UQCRB: variants seen among roughly 807,000 people sequenced by gnomAD.
UQCRB encodes the protein cytochrome b-c1 complex subunit 7.
A neutral mutation model predicts 19.8 loss-of-function variants in UQCRB; 12 were observed. The observed-to-expected ratio is 0.61, with a 90% confidence interval of 0.39 to 0.98. The LOEUF is 0.98. Ranked by LOEUF, UQCRB falls within the 50% of genes least tolerant of loss-of-function variation. The pLI, the probability that UQCRB is intolerant of heterozygous loss-of-function variation, is 0.00. For synonymous variants in UQCRB, 39 were observed against 42.9 expected, an observed-to-expected ratio of 0.91 and a Z score of 0.35; for missense variants, 142 against 131.8, an observed-to-expected ratio of 1.08 and a Z score of -0.38.
Position 96,231,780 on chromosome 8 carries a change from A to G in UQCRB, c.252T>C (p.Tyr84=). The change falls in exon 3 of 4, where the codon TAT becomes TAC. Residue 84 remains tyrosine (Y), a synonymous_variant. Coordinates refer to ENST00000287022, the MANE Select transcript of UQCRB (RefSeq NM_006294.5). ...GTAGATAAAGCTGTGCTACCTCTTC[A>G]TATTTGGTCCACTGCTCTTTAGGCA... The part of the protein sequence containing the change: ...QILPKEQWTK[Y]EEENFYLEPY... 6.2e-7 allele frequency: 1 copy of G among 1,614,186 alleles called. No individual in the cohort carries two copies. Among genetic ancestry groups the G allele is most frequent in the Non-Finnish European group, 8.5e-7 (1 of 1,180,030 alleles).
Position 96,230,873 on chromosome 8 carries a change from A to G in UQCRB, c.*182T>C, listed in dbSNP as rs544142646. Reference sequence around the variant, plus strand: ...AAATATATCTTGAAAGTTTGGAAAAAAATTTAACAGTAAAGGGATTCAGTA... The same window carrying G: ...AAATATATCTTGAAAGTTTGGAAAAGAATTTAACAGTAAAGGGATTCAGTA... On this transcript the variant is annotated 3_prime_UTR_variant, in exon 4 of 4. Transcript: ENST00000287022. 6.1e-5 allele frequency: 47 copies of G among 765,190 alleles called. No homozygotes were observed. The highest frequency in any genetic ancestry group is 5.7e-4 in the African/African-American group (33 of 58,238). The allele number at this position is 765,190 out of a possible 1,614,324, so 47.4% of individuals were successfully genotyped here. A position where few individuals can be genotyped will look rare whatever the true frequency, so the allele number is the denominator to read the frequency against.
chr8:96,226,010 A>G lies in UQCRB; in HGVS notation c.*5045T>C, dbSNP rs1809518788. ...GAGGCAGGAGGCGCTACTGGTACCT[A>G]TCGTGTAGAAGCCAGGATGCTGCTA... On this transcript the variant is annotated 3_prime_UTR_variant, in exon 4 of 4. Coordinates refer to ENST00000287022, the MANE Select transcript of UQCRB (RefSeq NM_006294.5). 2 of 152,162 alleles carry G rather than the reference A, an allele frequency of 1.3e-5. No individual in the cohort carries two copies. Among genetic ancestry groups the G allele is most frequent in the South Asian group, 4.1e-4 (2 of 4,832 alleles). 9.4% of individuals were successfully genotyped at this position (152,162 alleles called of 1,614,324 possible). A position where few individuals can be genotyped will look rare whatever the true frequency, so the allele number is the denominator to read the frequency against.
chr8:96,235,489 C>G (rs1809789943), intron 1 of UQCRB, 23 bp downstream of exon 1: 1 of 1,614,056 alleles, frequency 6.2e-7, no homozygotes. Context: ...CGATGCCGGC[C>G]AAGAAGACCC....
At position 96,228,375 on chromosome 8, in the gene UQCRB, T is replaced by A. The variant is rs1007274653; in HGVS notation, c.*2680A>T. On this transcript the variant is annotated 3_prime_UTR_variant, in exon 4 of 4. Coordinates refer to ENST00000287022, the MANE Select transcript of UQCRB (RefSeq NM_006294.5). ...AACAGGGAGATAGCCAAGTCTTAGC[T>A]CCATCCTAATCAAAGCTGTCATGCA... 9.0e-5 allele frequency: 41 copies of A among 453,980 alleles called. No individual in the cohort carries two copies. The Admixed American group carries it at 9.4e-4, about 10-fold the overall frequency. 28.1% of individuals were successfully genotyped at this position (453,980 alleles called of 1,614,324 possible).
At chr8:96,232,109 C>A in intron 2 of UQCRB, 169 bp from the exon 3 acceptor site, 4 of 670,618 alleles carry the variant, frequency 6.0e-6, no homozygotes, top group South Asian at 5.6e-5. Flanking sequence ...TAGGTTGGTG[C>A]AAAAGTAATT....
rs201329056 is a variant in UQCRB, at chr8:96,229,766, G to GAA, written c.*1287_*1288dup. The GAA allele has an allele frequency of 9.6e-6, 4 of 418,496 alleles. No individual in the cohort carries two copies. Among genetic ancestry groups the GAA allele is most frequent in the African/African-American group, 2.2e-5 (1 of 46,218 alleles). The allele number at this position is 418,496 out of a possible 1,614,324, so 25.9% of individuals were successfully genotyped here. ...TTAGAAAAATAACGACCAGCGAAAG[G>GAA]AAAAAAAAAAGCGGGGGAGGGGGTT... On this transcript the variant is annotated 3_prime_UTR_variant, in exon 4 of 4. Coordinates refer to ENST00000287022, the MANE Select transcript of UQCRB (RefSeq NM_006294.5).
Position 96,226,938 on chromosome 8 carries a change from A to C in UQCRB, c.*4117T>G, listed in dbSNP as rs757525516. On this transcript the variant is annotated 3_prime_UTR_variant, in exon 4 of 4. Coordinates refer to ENST00000287022, the MANE Select transcript of UQCRB (RefSeq NM_006294.5). The stretch of plus-strand genomic sequence containing the variant: ...TTCTTGCTCAATTGCTAATACAATA[A>C]AATTTCTTAGCAAAATATAACTTAG... The C allele has an allele frequency of 4.4e-6, 2 of 454,054 alleles. No individual in the cohort carries two copies. Among genetic ancestry groups the C allele is most frequent in the South Asian group, 3.1e-5 (2 of 64,448 alleles). The allele number at this position is 454,054 out of a possible 1,614,324, so 28.1% of individuals were successfully genotyped here. A position where few individuals can be genotyped will look rare whatever the true frequency, so the allele number is the denominator to read the frequency against.
At position 96,229,056 on chromosome 8, in the gene UQCRB, C is replaced by T. The variant is rs1297315120; in HGVS notation, c.*1999G>A. On this transcript the variant is annotated 3_prime_UTR_variant, in exon 4 of 4. Coordinates refer to ENST00000287022, the MANE Select transcript of UQCRB (RefSeq NM_006294.5). ...AGATCTACTTTCTTAGTCTTCATAA[C>T]AAGCAGGACGATAACCATAATTTAT... The T allele has an allele frequency of 4.4e-6, 2 of 453,940 alleles. No homozygotes were observed. Among genetic ancestry groups the T allele is most frequent in the African/African-American group, 2.0e-5 (1 of 49,986 alleles). The allele number at this position is 453,940 out of a possible 1,614,324, so 28.1% of individuals were successfully genotyped here.
Position 96,229,923 on chromosome 8 carries a change from G to A in UQCRB, c.*1132C>T, listed in dbSNP as rs1809621111. 1 of 453,940 alleles carries A rather than the reference G, an allele frequency of 2.2e-6. No individual in the cohort carries two copies. Among genetic ancestry groups the A allele is most frequent in the Non-Finnish European group, 4.4e-6 (1 of 226,806 alleles). The allele number at this position is 453,940 out of a possible 1,614,324, so 28.1% of individuals were successfully genotyped here. On this transcript the variant is annotated 3_prime_UTR_variant, in exon 4 of 4. Transcript: ENST00000287022. ...TTTTCACACTGTTTTGTTATTTGAG[G>A]TAAGGCATTCCTGCCACACACAGCA...
chr8:96,234,778 AAAAC>A lies in UQCRB; in HGVS notation c.19+730_19+733del, dbSNP rs569834910. ...CAAAGCAAGACTCCGTCTCAAAGAC[AAAAC>A]AAACAAACAAACAAAACGGCTACTC... On this transcript the variant is annotated intron_variant, in intron 1 of 3. Transcript: ENST00000287022. 7.3e-4 allele frequency: 180 copies of A among 248,066 alleles called. 1 individual carries two copies. The highest frequency in any genetic ancestry group is 1.6e-3 in the East Asian group (14 of 8,920). The allele number at this position is 248,066 out of a possible 1,614,324, so 15.4% of individuals were successfully genotyped here.
At position 96,225,050 on chromosome 8, in the gene UQCRB, G is replaced by A. The variant is rs185962967; in HGVS notation, c.*6005C>T. Among the ~76,000 whole-genome samples, 1 of 152,224 alleles carries A rather than the reference G, an allele frequency of 6.6e-6. No homozygotes were observed. Among genetic ancestry groups the A allele is most frequent in the Non-Finnish European group, 1.5e-5 (1 of 68,014 alleles). ...AAGGGGTACTATCTAAACATATAAAGGTCTCATACAAATAGATAAGAACTG... is the reference window on the plus strand; with the variant it reads ...AAGGGGTACTATCTAAACATATAAAAGTCTCATACAAATAGATAAGAACTG... On this transcript the variant is annotated 3_prime_UTR_variant, in exon 4 of 4. Coordinates refer to ENST00000287022, the MANE Select transcript of UQCRB (RefSeq NM_006294.5).
At chr8:96,234,485 C>A in intron 1 of UQCRB, 1 of 1,288,802 alleles carries the variant, frequency 7.8e-7, no homozygotes, top group Non-Finnish European at 1.0e-6. Flanking sequence ...CTATGTAGTT[C>A]CCAAACACGC....
chr8:96,231,648 T>A (rs1340511943), intron 3 of UQCRB, 126 bp downstream of exon 3: 2 of 1,442,348 alleles, frequency 1.4e-6, no homozygotes, highest in South Asian at 2.3e-5. Context: ...ATTTGCTTTA[T>A]TAACCTCACA....
chr8:96,233,374 A>G, intron 1 of UQCRB, 147 bp from the exon 2 acceptor site: 1 of 649,480 alleles, frequency 1.5e-6, no homozygotes, highest in East Asian at 2.8e-5. Flanking sequence ...ATATACAGCA[A>G]GAATTTAATC....
In UQCRB at chr8:96,235,313, C is replaced by A. The variant is rs1586157542; in HGVS notation, c.19+199G>T. On this transcript the variant is annotated intron_variant, in intron 1 of 3. Coordinates refer to ENST00000287022, the MANE Select transcript of UQCRB (RefSeq NM_006294.5). ...CCTTCACAAACAGCGGGTTAACATC[C>A]CAACCCTATACAGGCAAGCCCGCCC... The A allele has an allele frequency of 3.9e-6, 3 of 766,374 alleles. No homozygotes were observed. The East Asian group carries it at 8.0e-5, about 21-fold the overall frequency. The allele number at this position is 766,374 out of a possible 1,614,324, so 47.5% of individuals were successfully genotyped here.
At position 96,228,122 on chromosome 8, in the gene UQCRB, T is replaced by C. The variant is rs1809566924; in HGVS notation, c.*2933A>G. ...AGGTAGTGCACTACAACAGTGAACATAAGCCAGCCATCTGTTTTTTTGCAA... is the reference window on the plus strand; with the variant it reads ...AGGTAGTGCACTACAACAGTGAACACAAGCCAGCCATCTGTTTTTTTGCAA... On this transcript the variant is annotated 3_prime_UTR_variant, in exon 4 of 4. Transcript: ENST00000287022. 1 of 454,006 alleles carries C rather than the reference T, an allele frequency of 2.2e-6. No homozygotes were observed. Among genetic ancestry groups the C allele is most frequent in the Middle Eastern group, 6.8e-4 (1 of 1,466 alleles). The allele number at this position is 454,006 out of a possible 1,614,324, so 28.1% of individuals were successfully genotyped here.
rs1399392930 is a variant in UQCRB at position 96,227,446 on chromosome 8, TA to T, written c.*3608del. Reference sequence around the variant, plus strand: ...GGCAGAATTTCATGCCTTGTTCTAATAAAGGGATTTTCCTTGTTTTCCAAAG... The same window carrying T: ...GGCAGAATTTCATGCCTTGTTCTAATAAGGGATTTTCCTTGTTTTCCAAAG... On this transcript the variant is annotated 3_prime_UTR_variant, in exon 4 of 4. Coordinates refer to ENST00000287022, the MANE Select transcript of UQCRB (RefSeq NM_006294.5). The T allele has an allele frequency of 5.5e-5, 25 of 453,978 alleles. No homozygotes were observed. Among genetic ancestry groups the T allele is most frequent in the Non-Finnish European group, 3.1e-5 (7 of 226,794 alleles). The allele number at this position is 453,978 out of a possible 1,614,324, so 28.1% of individuals were successfully genotyped here. A position where few individuals can be genotyped will look rare whatever the true frequency, so the allele number is the denominator to read the frequency against.
chr8:96,231,270 T>C (rs1020446874), intron 3 of UQCRB, 138 bp from the exon 4 acceptor site: 2 of 1,572,138 alleles, frequency 1.3e-6, no homozygotes, highest in African/African-American at 1.4e-5. Flanking sequence ...ACCTAAGAAC[T>C]ATCTGCTTTT....
chr8:96,231,450 G>A (rs778537625), intron 3 of UQCRB: 19 of 1,535,636 alleles, frequency 1.2e-5, no homozygotes, highest in Middle Eastern at 1.7e-4. Context: ...GATCTGGAGG[G>A]ACACTCAATG....
Sources: gnomAD v4.1 joint callset for allele counts (sites outside exome capture counted in the v4.1 genomes callset) on GRCh38, gnomAD v4.1.1 for gene constraint, MANE v1.5 for transcripts, NCBI Gene and HGNC (gene_info 2026-07-23, HGNC 2026-07-21) for gene names.